Variants in DSCAML1 observed in about 807,000 individuals in gnomAD.
DSCAML1 encodes DS cell adhesion molecule like 1.
DSCAML1 carries 38 observed loss-of-function variants against 200.5 expected under a neutral mutation model. That is an observed-to-expected ratio of 0.19 (90% CI 0.15 to 0.25). DSCAML1 has a LOEUF of 0.25. DSCAML1 is among the 10% of genes least tolerant of loss of function. The probability of loss-of-function intolerance (pLI) is 1.00; values close to 1 mark genes in which losing one functional copy is unlikely to be tolerated. For synonymous variants in DSCAML1, 1,215 were observed against 1,165.0 expected (o/e 1.04, Z -0.87); for missense variants, 2,223 against 2,858.8 (o/e 0.78, Z 5.07).
chr11:117,614,990 G>A (rs2051781188), intron 3 of DSCAML1, among the ~76,000 whole-genome samples: 1 of 152,214 alleles, frequency 6.6e-6, no homozygotes, highest in Admixed American at 6.5e-5. Flanking sequence ...AGAGGGCACA[G>A]TTTGGCACCA....
chr11:117,507,886 A>G (rs1209956001), intron 8 of DSCAML1, among the ~76,000 whole-genome samples: 1 of 152,034 alleles, frequency 6.6e-6, no homozygotes, highest in African/African-American at 2.4e-5. Flanking sequence ...CTCTGCCCCC[A>G]GTATTCTGAG....
intron 1 of DSCAML1, among the ~76,000 whole-genome samples, chr11:117,785,032 C>T (rs953749508): frequency 9.9e-5 from 15 of 152,208 alleles, no homozygotes; most frequent in Admixed American, 7.8e-4. Context: ...CTCCTGCACC[C>T]TTCAGTGTCC....
chr11:117,816,798 T>TGGCG (rs1555038447), intron 1 of DSCAML1, among the ~76,000 whole-genome samples: 1 of 100,310 alleles, frequency 1.0e-5, no homozygotes, highest in South Asian at 3.8e-4. Context: ...TCGGAATTGC[T>TGGCG]GGGGGGGTGG....
At chr11:117,688,138 G>A (rs1228022137) in intron 3 of DSCAML1, among the ~76,000 whole-genome samples, 1 of 152,252 alleles carries the variant, frequency 6.6e-6, no homozygotes, top group African/African-American at 2.4e-5. Flanking sequence ...CTCAATAGCA[G>A]CAGCAATACA....
intron 3 of DSCAML1, among the ~76,000 whole-genome samples, chr11:117,596,933 G>T (rs941198370): frequency 6.6e-6 from 1 of 152,184 alleles, no homozygotes; most frequent in African/African-American, 2.4e-5. Flanking sequence ...GCATTTACAA[G>T]GTTTGTCCGT....
At chr11:117,715,364 C>A (rs1041642216) in intron 3 of DSCAML1, among the ~76,000 whole-genome samples, 1 of 152,170 alleles carries the variant, frequency 6.6e-6, no homozygotes, top group African/African-American at 2.4e-5. Flanking sequence ...GGCTTCTCCT[C>A]GACTCCCTTT....
chr11:117,773,833 T>C (rs925859795), intron 3 of DSCAML1, among the ~76,000 whole-genome samples: 35 of 152,066 alleles, frequency 2.3e-4, no homozygotes, highest in African/African-American at 8.0e-4. Context: ...TCTAGAATGA[T>C]TATAGATGGG....
chr11:117,612,631 T>C (rs960284937), intron 3 of DSCAML1, among the ~76,000 whole-genome samples: 1 of 152,198 alleles, frequency 6.6e-6, no homozygotes. Flanking sequence ...GCCAGCGCCA[T>C]GCTGAGCAGC....
intron 11 of DSCAML1, among the ~76,000 whole-genome samples, chr11:117,485,530 T>C (rs986563224): frequency 6.6e-6 from 1 of 152,208 alleles, no homozygotes; most frequent in Non-Finnish European, 1.5e-5. Context: ...TATGTGGCCT[T>C]CCACCCCTTA....
At chr11:117,617,594 T>A (rs1165264994) in intron 3 of DSCAML1, among the ~76,000 whole-genome samples, 1 of 151,930 alleles carries the variant, frequency 6.6e-6, no homozygotes, top group Non-Finnish European at 1.5e-5. Flanking sequence ...ATTCCAAGGA[T>A]GCTCCACAAA....
chr11:117,768,437 C>T (rs569884094), intron 3 of DSCAML1, among the ~76,000 whole-genome samples: 47 of 152,308 alleles, frequency 3.1e-4, no homozygotes, highest in African/African-American at 1.1e-3. Flanking sequence ...CCAGGACCAC[C>T]ACCTCTTTGG....
upstream of DSCAML1, among the ~76,000 whole-genome samples, chr11:117,799,313 G>T (rs2055635115): frequency 6.6e-6 from 1 of 152,222 alleles, no homozygotes; most frequent in Non-Finnish European, 1.5e-5. Context: ...GAAAGGGGCT[G>T]CTGTCTGCTG....
chr11:117,436,247 C>T (rs1382786063), intron 26 of DSCAML1, among the ~76,000 whole-genome samples: 1 of 152,156 alleles, frequency 6.6e-6, no homozygotes, highest in Non-Finnish European at 1.5e-5. Flanking sequence ...CCTACATTCT[C>T]TCCCTGCTCA....
Position 117,438,108 on chromosome 11 carries a change from G to T in DSCAML1, c.4244-25C>A, listed in dbSNP as rs761560194. On this transcript the variant is annotated intron_variant, in intron 24 of 32. Coordinates refer to ENST00000651296, the MANE Select transcript of DSCAML1 (RefSeq NM_020693.4). ...CCTGCGGAGGGTAGGCCTGATTCAGGTGGGGGCAGGGCAGGGCAAGGCAGC... is the reference window on the plus strand; with the variant it reads ...CCTGCGGAGGGTAGGCCTGATTCAGTTGGGGGCAGGGCAGGGCAAGGCAGC... The T allele has an allele frequency of 3.1e-6, 5 of 1,588,260 alleles. No homozygotes were observed. In the African/African-American group the frequency reaches 5.4e-5, roughly 17 times the overall value.
intron 3 of DSCAML1, among the ~76,000 whole-genome samples, chr11:117,619,776 T>C (rs2137547623): frequency 6.6e-6 from 1 of 152,324 alleles, no homozygotes; most frequent in South Asian, 2.1e-4. Flanking sequence ...TTCTATGCTT[T>C]CACACATTTA....
At chr11:117,491,139 G>A (rs758817232) in intron 11 of DSCAML1, among the ~76,000 whole-genome samples, 3 of 152,180 alleles carry the variant, frequency 2.0e-5, no homozygotes, top group African/African-American at 4.8e-5. Context: ...AGAATGCCAC[G>A]GGCTGCCGGG....
In DSCAML1 at chr11:117,516,791, T is replaced by C; in HGVS notation, c.1511-52A>G. Reference sequence around the variant, plus strand: ...AGGAGGAGAAGGGCATGTGCTGCTGTCAGCCAGGGACAGCCAGGCACCACC... The same window carrying C: ...AGGAGGAGAAGGGCATGTGCTGCTGCCAGCCAGGGACAGCCAGGCACCACC... On this transcript the variant is annotated intron_variant, in intron 7 of 32. Coordinates refer to ENST00000651296, the MANE Select transcript of DSCAML1 (RefSeq NM_020693.4). This position sits in a 1 kb window ranked among gnomAD's most constrained non-coding sequence, Gnocchi z 5.7. 5.1e-6 allele frequency: 8 copies of C among 1,570,310 alleles called. No homozygotes were observed. The highest frequency in any genetic ancestry group is 6.0e-6 in the Non-Finnish European group (7 of 1,158,194).
chr11:117,783,818 C>A (rs1278056167), intron 1 of DSCAML1, among the ~76,000 whole-genome samples: 2 of 152,076 alleles, frequency 1.3e-5, no homozygotes, highest in Non-Finnish European at 2.9e-5. Context: ...TTTTCCCAAC[C>A]CTTCCTCCAC....
rs1205833736 is a variant in DSCAML1, at chr11:117,563,577, G to A, written c.512-31055C>T. On this transcript the variant is annotated intron_variant, in intron 3 of 32. Coordinates refer to ENST00000651296, the MANE Select transcript of DSCAML1 (RefSeq NM_020693.4). ...TGTCATTAGGCCTTGTTCCCCATGT[G>A]GTGTGTCTATCATGTGTTTGCTGAG... is the stretch of plus-strand genomic sequence containing the variant. Among the ~76,000 whole-genome samples the A allele has an allele frequency of 5.3e-5, 8 of 152,286 alleles. No individual in the cohort carries two copies. In the East Asian group the frequency reaches 1.5e-3, roughly 29 times the overall value.
Sources: allele counts gnomAD v4.1 joint callset (sites outside exome capture counted in the v4.1 genomes callset), GRCh38; gene constraint gnomAD v4.1.1; non-coding constraint Gnocchi (gnomAD v3.1); transcripts MANE v1.5; gene names NCBI Gene and HGNC (gene_info 2026-07-23, HGNC 2026-07-21).